GAB2: variants seen among roughly 807,000 people sequenced by gnomAD.
The protein encoded by GAB2 is GRB2 associated binding protein 2.
Under a neutral mutation model 65.5 loss-of-function variants are expected in GAB2, and 26 were observed. The ratio of observed to expected loss-of-function variants is 0.40; its 90% CI spans 0.29 to 0.55. The LOEUF (loss-of-function observed/expected upper bound fraction) is 0.55. Ranked by LOEUF, GAB2 falls within the 20% of genes least tolerant of loss-of-function variation. The probability of loss-of-function intolerance (pLI) is 0.53; values close to 1 mark genes in which losing one functional copy is unlikely to be tolerated. For missense variants in GAB2, 884 were observed against 875.8 expected, an observed-to-expected ratio of 1.01 and a Z score of -0.12; for synonymous variants, 321 against 329.6, an observed-to-expected ratio of 0.97 and a Z score of 0.28.
rs186588478 is a variant in GAB2, at chr11:78,304,475, C to T, written c.76-23574G>A. On this transcript the variant is annotated intron_variant, in intron 1 of 9. Coordinates refer to ENST00000361507, the MANE Select transcript of GAB2 (RefSeq NM_080491.3). ...TTGGTGTACTCGATTTCGCCAAGGGCCAGGCTCCCAAGGCAAGAATCTAGA... is the reference window on the plus strand; with the variant it reads ...TTGGTGTACTCGATTTCGCCAAGGGTCAGGCTCCCAAGGCAAGAATCTAGA... Among the ~76,000 whole-genome samples the T allele has an allele frequency of 6.6e-5, 10 of 152,280 alleles. No homozygotes were observed. The East Asian group carries it at 1.9e-3, about 29-fold the overall frequency.
chr11:78,327,072 C>T (rs941868181), intron 1 of GAB2, among the ~76,000 whole-genome samples: 13 of 152,130 alleles, frequency 8.5e-5, no homozygotes, highest in African/African-American at 2.9e-4. Context: ...TCCTATTTAG[C>T]GCAAATGCAT....
intron 1 of GAB2, among the ~76,000 whole-genome samples, chr11:78,320,233 C>T (rs1855697258): frequency 6.6e-6 from 1 of 152,084 alleles, no homozygotes; most frequent in African/African-American, 2.4e-5. Flanking sequence ...ACAGGGGTCT[C>T]ACTATGTTTC....
At chr11:78,408,508 A>G (rs1174351157) in intron 1 of GAB2, among the ~76,000 whole-genome samples, 2 of 152,274 alleles carry the variant, frequency 1.3e-5, no homozygotes, top group Admixed American at 1.3e-4. Flanking sequence ...CAAAAAATAA[A>G]GTGGCAGAAC....
At chr11:78,331,050 C>G (rs138132367) in intron 1 of GAB2, among the ~76,000 whole-genome samples, 5,378 of 151,998 alleles carry the variant, frequency 0.035, 293 homozygotes, top group African/African-American at 0.12. Flanking sequence ...TGGTGGGCAC[C>G]TGTAATCCCA....
At chr11:78,246,033 G>A (rs933407843) in intron 3 of GAB2, among the ~76,000 whole-genome samples, 25 of 151,166 alleles carry the variant, frequency 1.7e-4, no homozygotes, top group Admixed American at 1.1e-3. Flanking sequence ...GGGTTCAAGC[G>A]ATTCTCCTGC....
intron 1 of GAB2, among the ~76,000 whole-genome samples, chr11:78,389,496 C>A (rs1565181949): frequency 6.6e-6 from 1 of 152,076 alleles, no homozygotes. Flanking sequence ...TTAATAGAGA[C>A]AGGGTTTCTC....
chr11:78,403,135 T>G (rs1195746262), intron 1 of GAB2, among the ~76,000 whole-genome samples: 2 of 152,254 alleles, frequency 1.3e-5, no homozygotes, highest in African/African-American at 4.8e-5. Context: ...AGTAAATGTC[T>G]GTTGCTTATA....
intron 1 of GAB2, among the ~76,000 whole-genome samples, chr11:78,289,135 C>T (rs1330841787): frequency 2.0e-5 from 3 of 152,202 alleles, no homozygotes; most frequent in South Asian, 2.1e-4. Context: ...TGTCATGGTT[C>T]GTGCCTGTAA....
At chr11:78,412,007 G>A (rs1179038153) in intron 1 of GAB2, among the ~76,000 whole-genome samples, 1 of 151,298 alleles carries the variant, frequency 6.6e-6, no homozygotes, top group East Asian at 1.9e-4. Context: ...TCCAGCCTGG[G>A]TGACAGAGTG....
intron 1 of GAB2, among the ~76,000 whole-genome samples, chr11:78,396,510 A>G (rs1376462370): frequency 3.9e-5 from 6 of 152,250 alleles, no homozygotes; most frequent in Admixed American, 3.9e-4. Context: ...CAGTACAAAT[A>G]TATGTTTAAA....
rs1387670654 is a variant in GAB2, at chr11:78,280,920, G to A, written c.76-19C>T. The A allele has an allele frequency of 1.8e-5, 29 of 1,596,756 alleles. No individual in the cohort carries two copies. Among genetic ancestry groups the A allele is most frequent in the Non-Finnish European group, 2.5e-5 (29 of 1,165,860 alleles). On this transcript the variant is annotated intron_variant, in intron 1 of 9. Coordinates refer to ENST00000361507, the MANE Select transcript of GAB2 (RefSeq NM_080491.3). ...TCCAGGCCTAAATCATATCAGGAAG[G>A]AGTAAGAAGAGGGGGAAGAAGTCAT...
chr11:78,263,496 G>A (rs1374913467), intron 2 of GAB2, among the ~76,000 whole-genome samples: 1 of 152,026 alleles, frequency 6.6e-6, no homozygotes, highest in African/African-American at 2.4e-5. Flanking sequence ...AGCTGGGCAT[G>A]GTGGTGGGTG....
intron 1 of GAB2, among the ~76,000 whole-genome samples, chr11:78,375,110 T>G (rs1856616833): frequency 6.6e-6 from 1 of 152,208 alleles, no homozygotes; most frequent in South Asian, 2.1e-4. Flanking sequence ...AATTGCACAA[T>G]CATAGCTCAC....
chr11:78,342,632 T>C (rs1461291323), intron 1 of GAB2, among the ~76,000 whole-genome samples: 1 of 152,096 alleles, frequency 6.6e-6, no homozygotes, highest in East Asian at 1.9e-4. Context: ...ATGGTCTCCA[T>C]CTCCTGACCT....
chr11:78,388,334 A>G (rs755696265), intron 1 of GAB2, among the ~76,000 whole-genome samples: 1 of 139,738 alleles, frequency 7.2e-6, no homozygotes, highest in African/African-American at 2.7e-5. Flanking sequence ...TGGCCTCCAC[A>G]TTGTTTTTTT....
chr11:78,256,906 A>G (rs1438680641), intron 2 of GAB2, among the ~76,000 whole-genome samples: 1 of 152,224 alleles, frequency 6.6e-6, no homozygotes, highest in East Asian at 1.9e-4. Flanking sequence ...AAACACAAGA[A>G]GAAAATGGAG....
At chr11:78,260,376 G>T (rs1199320219) in intron 2 of GAB2, among the ~76,000 whole-genome samples, 1 of 152,198 alleles carries the variant, frequency 6.6e-6, no homozygotes, top group East Asian at 1.9e-4. Context: ...ACAGTTCCTG[G>T]TCACACGTCC....
At chr11:78,367,821 C>CTTTTTTT (rs569887849) in intron 1 of GAB2, among the ~76,000 whole-genome samples, 91 of 116,054 alleles carry the variant, frequency 7.8e-4, no homozygotes, top group Non-Finnish European at 9.7e-4. Flanking sequence ...TTTTCTTTTT[C>CTTTTTTT]TTTTTTTTTT....
intron 3 of GAB2, among the ~76,000 whole-genome samples, chr11:78,239,632 AG>A (rs1187846316): frequency 1.3e-5 from 2 of 152,228 alleles, no homozygotes; most frequent in African/African-American, 4.8e-5. Flanking sequence ...AGAGAACAGA[AG>A]GAAACACACT....
Sources: allele counts gnomAD v4.1 joint callset (sites outside exome capture counted in the v4.1 genomes callset), GRCh38; gene constraint gnomAD v4.1.1; transcripts MANE v1.5; gene names NCBI Gene and HGNC (gene_info 2026-07-23, HGNC 2026-07-21).